The following MAF variants were observed in gnomAD, a reference collection of about 807,000 sequenced individuals.
The protein encoded by MAF is MAF bZIP transcription factor.
A neutral mutation model predicts 22.0 loss-of-function variants in MAF; 10 were observed. The ratio of observed to expected loss-of-function variants is 0.45; its 90% CI spans 0.28 to 0.77. The LOEUF is 0.77. Among genes scored for constraint, MAF ranks in the 30% least tolerant of loss-of-function variants. The pLI is 0.12. For synonymous variants in MAF, 337 were observed against 255.8 expected (o/e 1.32, Z -3.03); for missense variants, 544 against 548.4 (o/e 0.99, Z 0.08).
the MAF span, among the ~76,000 whole-genome samples, chr16:79,271,798 A>G: frequency 6.6e-6 from 1 of 152,344 alleles, no homozygotes; most frequent in East Asian, 1.9e-4. Context: ...TCTTTCAAAT[A>G]TGGTATAAAA....
the MAF span, among the ~76,000 whole-genome samples, chr16:79,243,338 A>C: frequency 6.6e-6 from 1 of 151,960 alleles, no homozygotes; most frequent in Non-Finnish European, 1.5e-5. Context: ...TAATTTAAAA[A>C]AGAGAGAAGA....
chr16:79,508,936 A>T, the MAF span, among the ~76,000 whole-genome samples: 1 of 152,198 alleles, frequency 6.6e-6, no homozygotes, highest in East Asian at 1.9e-4. Flanking sequence ...GGAACTGTAT[A>T]GAGGTGATGT....
chr16:79,443,748 G>T, the MAF span, among the ~76,000 whole-genome samples: 1 of 152,166 alleles, frequency 6.6e-6, no homozygotes, highest in Admixed American at 6.5e-5. Context: ...CTGCCTGGAT[G>T]ATGTATTTCA....
At chr16:79,272,205 G>C in the MAF span, among the ~76,000 whole-genome samples, 1 of 152,228 alleles carries the variant, frequency 6.6e-6, no homozygotes, top group Non-Finnish European at 1.5e-5. Context: ...AACGCGCTCA[G>C]AGACAGAGGC....
the MAF span, among the ~76,000 whole-genome samples, chr16:79,516,638 G>A: frequency 6.6e-6 from 1 of 152,136 alleles, no homozygotes; most frequent in African/African-American, 2.4e-5. Flanking sequence ...TAACTCATCT[G>A]TGATGTGCTC....
the MAF span, among the ~76,000 whole-genome samples, chr16:79,242,606 G>T: frequency 6.6e-6 from 1 of 151,888 alleles, no homozygotes; most frequent in African/African-American, 2.4e-5. Flanking sequence ...CTAATAGTGG[G>T]AGACTTTAAC....
chr16:79,538,813 A>G, the MAF span, among the ~76,000 whole-genome samples: 1 of 151,094 alleles, frequency 6.6e-6, no homozygotes, highest in East Asian at 2.0e-4. Context: ...GTGACAGAGC[A>G]TGACTCTGTC....
chr16:79,600,200 G>T lies in MAF; in HGVS notation c.-298C>A. 2.9e-6 allele frequency: 1 copy of T among 341,054 alleles called. No individual in the cohort carries two copies. Among genetic ancestry groups the T allele is most frequent in the South Asian group, 5.7e-5 (1 of 17,442 alleles). The allele number at this position is 341,054 out of a possible 1,614,324, so 21.1% of individuals were successfully genotyped here. On this transcript the variant is annotated 5_prime_UTR_variant, in exon 1 of 2. The change creates a new upstream start codon in the 5' untranslated region. Coordinates refer to ENST00000326043, the MANE Select transcript of MAF (RefSeq NM_005360.5). Reference sequence around the variant, plus strand: ...CTTGCGCGCCGAGCCGGCGGCTTCAGGCTCGGGAAGATCCTCCGCGAGCTG... The same window carrying T: ...CTTGCGCGCCGAGCCGGCGGCTTCATGCTCGGGAAGATCCTCCGCGAGCTG...
the MAF span, among the ~76,000 whole-genome samples, chr16:79,563,238 G>A: frequency 1.1e-3 from 164 of 152,338 alleles, no homozygotes; most frequent in South Asian, 1.4e-3. Context: ...AAACTCTAGA[G>A]CTTAGTGCAT....
chr16:79,249,747 TC>T, the MAF span, among the ~76,000 whole-genome samples: 1 of 151,852 alleles, frequency 6.6e-6, no homozygotes, highest in Admixed American at 6.6e-5. Context: ...CCCCGCTCCC[TC>T]CCTCCCTTCC....
the MAF span, among the ~76,000 whole-genome samples, chr16:79,408,719 C>T: frequency 2.6e-5 from 4 of 151,760 alleles, no homozygotes; most frequent in African/African-American, 7.3e-5. Flanking sequence ...TCCTCCACTC[C>T]CTTTTATTTC....
the MAF span, among the ~76,000 whole-genome samples, chr16:79,435,638 T>C: frequency 1.3e-5 from 2 of 152,106 alleles, no homozygotes; most frequent in Non-Finnish European, 2.9e-5. Context: ...CCAGTGGCAG[T>C]TTTAGTCCTC....
chr16:79,276,752 T>C, the MAF span, among the ~76,000 whole-genome samples: 1 of 152,168 alleles, frequency 6.6e-6, no homozygotes, highest in Non-Finnish European at 1.5e-5. Context: ...GTTCATTTCC[T>C]GGGATTGCCT....
At chr16:79,216,352 TA>T in the MAF span, among the ~76,000 whole-genome samples, 1 of 151,640 alleles carries the variant, frequency 6.6e-6, no homozygotes, top group African/African-American at 2.4e-5. Flanking sequence ...ATGTATTGCA[TA>T]TATATGTGTA....
chr16:79,576,107 A>G, the MAF span, among the ~76,000 whole-genome samples: 3 of 152,106 alleles, frequency 2.0e-5, no homozygotes, highest in Non-Finnish European at 4.4e-5. Flanking sequence ...TTCTGAGTAT[A>G]CATCAATGGA....
chr16:79,543,634 G>A, the MAF span, among the ~76,000 whole-genome samples: 2 of 151,360 alleles, frequency 1.3e-5, no homozygotes, highest in Non-Finnish European at 2.9e-5. Flanking sequence ...GGGTCAATGC[G>A]ATGTTTACAG....
chr16:79,536,213 T>C, the MAF span, among the ~76,000 whole-genome samples: 1 of 152,218 alleles, frequency 6.6e-6, no homozygotes, highest in Non-Finnish European at 1.5e-5. Context: ...GCAGAGTCCA[T>C]GAAATTTTAG....
chr16:79,265,429 A>G, the MAF span, among the ~76,000 whole-genome samples: 2 of 152,166 alleles, frequency 1.3e-5, no homozygotes, highest in African/African-American at 4.8e-5. Context: ...AGGGTCCCGA[A>G]TAAGTGACTC....
At chr16:79,499,064 G>A in the MAF span, among the ~76,000 whole-genome samples, 1 of 152,262 alleles carries the variant, frequency 6.6e-6, no homozygotes, top group East Asian at 1.9e-4. Flanking sequence ...ATTTCAGGAG[G>A]ATTATCAATG....
Sources: allele counts gnomAD v4.1 joint callset (sites outside exome capture counted in the v4.1 genomes callset), GRCh38; gene constraint gnomAD v4.1.1; transcripts MANE v1.5; gene names NCBI Gene and HGNC (gene_info 2026-07-23, HGNC 2026-07-21).